The following AKR1E2 variants were observed in gnomAD, a reference collection of about 807,000 sequenced individuals.
AKR1E2 encodes 1,5-anhydro-D-fructose reductase.
Under a neutral mutation model 41.9 loss-of-function variants are expected in AKR1E2, and 43 were observed. The observed-to-expected ratio is 1.03, with a 90% confidence interval of 0.80 to 1.32. AKR1E2 has a LOEUF of 1.32. Among genes scored for constraint, AKR1E2 ranks in the 40% most tolerant of loss-of-function variants. The pLI is 0.00. For synonymous variants in AKR1E2, 121 were observed against 138.9 expected (o/e 0.87, Z 0.91); for missense variants, 423 against 396.5 (o/e 1.07, Z -0.57).
At chr10:4,826,700 C>T (rs75784617) in intron 1 of AKR1E2, among the ~76,000 whole-genome samples, 96 of 152,198 alleles carry the variant, frequency 6.3e-4, no homozygotes, top group Middle Eastern at 3.4e-3. Context: ...AGAACTGGAG[C>T]GGGGATGCCG....
At chr10:4,861,859 AT>A in the AKR1E2 span, among the ~76,000 whole-genome samples, 1 of 151,624 alleles carries the variant, frequency 6.6e-6, no homozygotes, top group East Asian at 1.9e-4. Flanking sequence ...GATTGCAAAA[AT>A]TTTCTCCCAT....
At chr10:4,845,431 C>A (rs760792513) in intron 8 of AKR1E2, among the ~76,000 whole-genome samples, 1 of 151,150 alleles carries the variant, frequency 6.6e-6, no homozygotes, top group East Asian at 1.9e-4. Flanking sequence ...AGAGGAGGCC[C>A]GGAGAGCTAG....
the AKR1E2 span, among the ~76,000 whole-genome samples, chr10:4,867,192 G>A: frequency 1.3e-5 from 2 of 152,336 alleles, no homozygotes; most frequent in East Asian, 1.9e-4. Context: ...GCAAGATGGA[G>A]TCAGTTAAGT....
rs893356124 is a variant in AKR1E2 at position 4,841,942 on chromosome 10, A to G, written c.753+85A>G. ...GGAGTCCTGGGGCTTGGCAGGTCCC[A>G]GGAAGGGACTGGCTCACCCAGGTGA... is the stretch of plus-strand genomic sequence containing the variant. On this transcript the variant is annotated intron_variant, in intron 7 of 9. Transcript: ENST00000298375. 2.4e-6 allele frequency: 3 copies of G among 1,270,944 alleles called. No homozygotes were observed. In the East Asian group the frequency reaches 7.6e-5, roughly 32 times the overall value. 78.7% of individuals were successfully genotyped at this position (1,270,944 alleles called of 1,614,324 possible). A position where few individuals can be genotyped will look rare whatever the true frequency, so the allele number is the denominator to read the frequency against.
At chr10:4,847,331 A>G in intron 9 of AKR1E2, 101 bp downstream of exon 9, 1 of 1,573,506 alleles carries the variant, frequency 6.4e-7, no homozygotes, top group South Asian at 1.2e-5. Flanking sequence ...GATTAATTAA[A>G]CTTTCTCATT....
chr10:4,849,023 C>G (rs1164617416), downstream of AKR1E2, among the ~76,000 whole-genome samples: 1 of 152,214 alleles, frequency 6.6e-6, no homozygotes, highest in Non-Finnish European at 1.5e-5. Flanking sequence ...TCCAGATGTG[C>G]AGGGATGTGT....
At chr10:4,849,437 C>A (rs1354015263), downstream of AKR1E2, among the ~76,000 whole-genome samples, 1 of 152,256 alleles carries the variant, frequency 6.6e-6, no homozygotes, top group Non-Finnish European at 1.5e-5. Context: ...CAGTCATCTG[C>A]ATGTAGCACT....
At chr10:4,856,740 A>G in the AKR1E2 span, among the ~76,000 whole-genome samples, 1 of 152,248 alleles carries the variant, frequency 6.6e-6, no homozygotes, top group African/African-American at 2.4e-5. Flanking sequence ...ACATAAAATC[A>G]TTCCATGGCA....
downstream of AKR1E2, among the ~76,000 whole-genome samples, chr10:4,851,253 G>A (rs1028147297): frequency 6.6e-6 from 1 of 152,098 alleles, no homozygotes; most frequent in Non-Finnish European, 1.5e-5. Flanking sequence ...ATTCTTTTAC[G>A]TATCCATACA....
At chr10:4,845,928 G>C (rs1299658160) in intron 8 of AKR1E2, 1 of 456,460 alleles carries the variant, frequency 2.2e-6, no homozygotes, top group Non-Finnish European at 4.4e-6. Flanking sequence ...TGCTTATGCT[G>C]TCAGGAGGAG....
At chr10:4,851,040 G>A (rs932081088), downstream of AKR1E2, among the ~76,000 whole-genome samples, 10 of 152,156 alleles carry the variant, frequency 6.6e-5, no homozygotes, top group Admixed American at 2.0e-4. Flanking sequence ...TAAAGATGAG[G>A]GAGACTTGGT....
the AKR1E2 span, among the ~76,000 whole-genome samples, chr10:4,866,656 T>G: frequency 0.23 from 33,759 of 148,454 alleles, 4,290 homozygotes; most frequent in Middle Eastern, 0.35. Flanking sequence ...TTTTTTTTTT[T>G]TTTTGAGATG....
At chr10:4,839,624 A>T in intron 5 of AKR1E2, 105 bp from the exon 6 acceptor site, 1 of 1,024,952 alleles carries the variant, frequency 9.8e-7, no homozygotes. Flanking sequence ...GCTGGGCCCC[A>T]TGGCTACTCG....
Position 4,833,411 on chromosome 10 carries a change from C to A in AKR1E2, c.269C>A (p.Ala90Asp). The change falls in exon 3 of 10, where the codon GCC (alanine) becomes GAC (aspartate). Residue 90 changes from alanine (A) to aspartate (D), a missense_variant. By Grantham distance (126) the Ala-to-Asp change is moderately radical. Coordinates refer to ENST00000298375, the MANE Select transcript of AKR1E2 (RefSeq NM_001040177.3). ...VETACRKSLK[A>D]LKLNYLDLYL... ...ACAGCATGCAGAAAGAGTCTCAAGG[C>A]CTTGAAGCTGAACTATTTGGACCTC... is the stretch of plus-strand genomic sequence containing the variant. The A allele has an allele frequency of 1.2e-6, 2 of 1,614,164 alleles. No homozygotes were observed. The highest frequency in any genetic ancestry group is 1.7e-6 in the Non-Finnish European group (2 of 1,180,038).
At chr10:4,828,081 G>A (rs1467996010) in intron 1 of AKR1E2, among the ~76,000 whole-genome samples, 1 of 152,194 alleles carries the variant, frequency 6.6e-6, no homozygotes, top group Non-Finnish European at 1.5e-5. Context: ...AAACATCACA[G>A]ACCTATCCGT....
intron 1 of AKR1E2, among the ~76,000 whole-genome samples, chr10:4,827,393 C>T (rs1356550360): frequency 7.0e-6 from 1 of 142,116 alleles, no homozygotes; most frequent in South Asian, 2.2e-4. Flanking sequence ...CATCCTAGTG[C>T]GCAGTAAGTC....
chr10:4,827,462 A>T (rs1471720525), intron 1 of AKR1E2, among the ~76,000 whole-genome samples: 2 of 152,090 alleles, frequency 1.3e-5, no homozygotes, highest in Non-Finnish European at 2.9e-5. Flanking sequence ...GCAACTCCCC[A>T]TTCCCTCCTT....
intron 8 of AKR1E2, chr10:4,845,665 T>G: frequency 2.2e-6 from 1 of 464,000 alleles, no homozygotes; most frequent in East Asian, 7.0e-5. Context: ...ATCGCCCCAG[T>G]TCTGCCCTTC....
At chr10:4,867,715 C>A in the AKR1E2 span, among the ~76,000 whole-genome samples, 2 of 152,196 alleles carry the variant, frequency 1.3e-5, no homozygotes, top group African/African-American at 4.8e-5. Context: ...ACCCACAGTT[C>A]TAACATTGCT....
Sources: gnomAD v4.1 joint callset for allele counts (sites outside exome capture counted in the v4.1 genomes callset) on GRCh38, gnomAD v4.1.1 for gene constraint, MANE v1.5 for transcripts, NCBI Gene and HGNC (gene_info 2026-07-23, HGNC 2026-07-21) for gene names.